The following CA1 variants were observed in gnomAD, a reference collection of about 807,000 sequenced individuals.
CA1 encodes carbonate dehydratase I.
In CA1, 27 loss-of-function variants were observed where a neutral mutation model predicts 28.8. That is an observed-to-expected ratio of 0.94 (90% CI 0.69 to 1.29). The LOEUF is 1.29. Ranked by LOEUF, CA1 falls within the 50% of genes most tolerant of loss-of-function variation. The probability of loss-of-function intolerance (pLI) is 0.00; values close to 1 mark genes in which losing one functional copy is unlikely to be tolerated. For synonymous variants in CA1, 121 were observed against 108.8 expected, an observed-to-expected ratio of 1.11 and a Z score of -0.70; for missense variants, 335 against 310.5, an observed-to-expected ratio of 1.08 and a Z score of -0.59.
chr8:85,369,221 C>T (rs1810127762), intron 1 of CA1, among the ~76,000 whole-genome samples: 1 of 152,152 alleles, frequency 6.6e-6, no homozygotes, highest in African/African-American at 2.4e-5. Flanking sequence ...AACCAGAGGT[C>T]AGCATTGCAG....
intron 3 of CA1, 127 bp downstream of exon 3, chr8:85,338,125 T>C (rs1564024301): frequency 1.1e-6 from 1 of 909,840 alleles, no homozygotes; most frequent in South Asian, 1.3e-5. Flanking sequence ...GATGCCTCAC[T>C]AGATTACAGC....
chr8:85,330,198 C>T (rs1490934112), intron 6 of CA1, among the ~76,000 whole-genome samples: 2 of 151,996 alleles, frequency 1.3e-5, no homozygotes, highest in Non-Finnish European at 2.9e-5. Context: ...AGGAATGATG[C>T]CAGATTCTAT....
chr8:85,337,396 G>C (rs1275439962), intron 3 of CA1, among the ~76,000 whole-genome samples: 1 of 152,104 alleles, frequency 6.6e-6, no homozygotes, highest in Non-Finnish European at 1.5e-5. Flanking sequence ...CCTTTAATTT[G>C]CAAGTTTATT....
At chr8:85,370,576 A>G (rs1242628442) in intron 1 of CA1, among the ~76,000 whole-genome samples, 1 of 152,112 alleles carries the variant, frequency 6.6e-6, no homozygotes, top group Non-Finnish European at 1.5e-5. Flanking sequence ...TAAATATGGA[A>G]CTCAGTAACC....
intron 1 of CA1, among the ~76,000 whole-genome samples, chr8:85,363,413 A>G (rs1809877086): frequency 6.6e-6 from 1 of 152,202 alleles, no homozygotes; most frequent in Admixed American, 6.5e-5. Flanking sequence ...ACTCATCTAC[A>G]CAGCCTTTCT....
chr8:85,377,696 G>A lies in CA1; in HGVS notation c.-25+350C>T, dbSNP rs191134080. Among the ~76,000 whole-genome samples, 311 of 152,146 alleles carry A rather than the reference G, an allele frequency of 2.0e-3. 1 individual carries two copies. Among genetic ancestry groups the A allele is most frequent in the African/African-American group, 6.9e-3 (286 of 41,514 alleles). ...CATGTGCCTGTAATCCCAGCTACTC[G>A]GGAGGCTGAGGCAGGAGAATCACTT... On this transcript the variant is annotated intron_variant, in intron 1 of 7. Coordinates refer to ENST00000523022, the MANE Select transcript of CA1 (RefSeq NM_001128831.4).
chr8:85,332,422 A>G (rs1808443812), intron 6 of CA1, 68 bp downstream of exon 6: 2 of 1,301,786 alleles, frequency 1.5e-6, no homozygotes, highest in African/African-American at 1.5e-5. Flanking sequence ...TTAATACTTC[A>G]TTAAATGATT....
chr8:85,362,496 G>T (rs768109195), intron 1 of CA1, among the ~76,000 whole-genome samples: 2 of 152,146 alleles, frequency 1.3e-5, no homozygotes, highest in Non-Finnish European at 2.9e-5. Flanking sequence ...GAGGAAACAG[G>T]CCAAACTGGA....
At chr8:85,368,913 G>A (rs1235889124) in intron 1 of CA1, among the ~76,000 whole-genome samples, 3 of 152,064 alleles carry the variant, frequency 2.0e-5, no homozygotes, top group Non-Finnish European at 4.4e-5. Flanking sequence ...GCAGTACCAA[G>A]CCTCTGGATA....
rs574586001 is a variant in CA1 at position 85,344,342 on chromosome 8, A to T, written c.-24-2683T>A. Among the ~76,000 whole-genome samples the T allele has an allele frequency of 4.1e-4, 57 of 140,712 alleles. No homozygotes were observed. The East Asian group carries it at 0.011, about 26-fold the overall frequency. 92.3% of individuals were successfully genotyped at this position (140,712 alleles called of 152,430 possible). ...AGTATATAATATATAATTTGAATTT[A>T]TACATATATTATGTATATTAGATTA... On this transcript the variant is annotated intron_variant, in intron 1 of 7. Transcript: ENST00000523022.
intron 1 of CA1, among the ~76,000 whole-genome samples, chr8:85,375,765 A>T: frequency 6.6e-6 from 1 of 152,186 alleles, no homozygotes; most frequent in East Asian, 1.9e-4. Context: ...TGCTATCCCA[A>T]ATTTCAAAAA....
At chr8:85,338,210 T>C (rs1808742122) in intron 3 of CA1, 42 bp downstream of exon 3, 4 of 1,511,504 alleles carry the variant, frequency 2.6e-6, no homozygotes, top group Admixed American at 3.3e-5. Flanking sequence ...ATTTTCCCAG[T>C]AGACTGTAAG....
At chr8:85,359,951 A>T (rs1192160765) in intron 1 of CA1, among the ~76,000 whole-genome samples, 5 of 152,216 alleles carry the variant, frequency 3.3e-5, no homozygotes, top group Non-Finnish European at 7.3e-5. Context: ...TAAGGAGACT[A>T]AAACCATGGA....
Position 85,367,265 on chromosome 8 carries a change from C to T in CA1, c.-25+10781G>A, listed in dbSNP as rs1810043781. 2.0e-5 allele frequency among the ~76,000 whole-genome samples: 3 copies of T among 151,890 alleles called. No homozygotes were observed. The South Asian group carries it at 6.2e-4, about 31-fold the overall frequency. The stretch of plus-strand genomic sequence containing the variant: ...GCATGTCAATATAGCTATTGTGCCC[C>T]CTTTTGAATACTATTTTATTGCCTT... On this transcript the variant is annotated intron_variant, in intron 1 of 7. Coordinates refer to ENST00000523022, the MANE Select transcript of CA1 (RefSeq NM_001128831.4).
chr8:85,362,653 C>A (rs533136431), intron 1 of CA1, among the ~76,000 whole-genome samples: 2 of 151,910 alleles, frequency 1.3e-5, no homozygotes. Flanking sequence ...AATTGTGGTG[C>A]GTAGGGGAAG....
chr8:85,344,112 ATAT>A (rs1809034069), intron 1 of CA1, among the ~76,000 whole-genome samples: 1 of 137,876 alleles, frequency 7.3e-6, no homozygotes, highest in African/African-American at 2.6e-5. Context: ...TTTAAATTTT[ATAT>A]ATATAAAATT....
At chr8:85,366,148 C>G (rs7824715) in intron 1 of CA1, among the ~76,000 whole-genome samples, 88,825 of 149,970 alleles carry the variant, frequency 0.59, 26,815 homozygotes, top group African/African-American at 0.66. Flanking sequence ...AGAAGCCCCA[C>G]CATGCTCTTT....
chr8:85,353,492 C>T (rs530342468), intron 1 of CA1, among the ~76,000 whole-genome samples: 7 of 152,136 alleles, frequency 4.6e-5, no homozygotes, highest in South Asian at 2.1e-4. Context: ...TTTGCTCTTT[C>T]GAAAAAAATA....
At chr8:85,332,947 A>G (rs1397513470) in intron 5 of CA1, among the ~76,000 whole-genome samples, 3 of 152,172 alleles carry the variant, frequency 2.0e-5, no homozygotes, top group African/African-American at 2.4e-5. Context: ...TAGAAGTGCT[A>G]TAATTTCAAG....
Sources: allele counts gnomAD v4.1 joint callset (sites outside exome capture counted in the v4.1 genomes callset), GRCh38; gene constraint gnomAD v4.1.1; transcripts MANE v1.5; gene names NCBI Gene and HGNC (gene_info 2026-07-23, HGNC 2026-07-21).